Variants in GFRA1 observed in about 807,000 individuals in gnomAD.
The protein encoded by GFRA1 is GDNF family receptor alpha 1.
Under a neutral mutation model 51.6 loss-of-function variants are expected in GFRA1, and 16 were observed. The ratio of observed to expected loss-of-function variants is 0.31; its 90% CI spans 0.21 to 0.47. GFRA1 has a LOEUF of 0.47. Ranked by LOEUF, GFRA1 falls within the 20% of genes least tolerant of loss-of-function variation. The pLI, the probability that GFRA1 is intolerant of heterozygous loss-of-function variation, is 1.00. For synonymous variants in GFRA1, 270 were observed against 241.3 expected (o/e 1.12, Z -1.10); for missense variants, 530 against 594.3 (o/e 0.89, Z 1.13).
At chr10:116,174,004 T>C (rs7080212) in intron 5 of GFRA1, among the ~76,000 whole-genome samples, 60,945 of 151,864 alleles carry the variant, frequency 0.4, 12,273 homozygotes, top group South Asian at 0.48. Context: ...CTCTTGAACC[T>C]GGGAGGCAGA....
chr10:116,185,216 T>C (rs1414609874), intron 5 of GFRA1, among the ~76,000 whole-genome samples: 1 of 151,710 alleles, frequency 6.6e-6, no homozygotes, highest in Non-Finnish European at 1.5e-5. Context: ...TGCTACTTCC[T>C]AACTTTGTGA....
chr10:116,071,565 G>T (rs1955393352), intron 9 of GFRA1, among the ~76,000 whole-genome samples: 1 of 152,172 alleles, frequency 6.6e-6, no homozygotes, highest in Non-Finnish European at 1.5e-5. Flanking sequence ...TGAGTGTGGG[G>T]ATCCTAGCCT....
At chr10:116,158,097 G>A (rs2134165361) in intron 5 of GFRA1, among the ~76,000 whole-genome samples, 1 of 152,270 alleles carries the variant, frequency 6.6e-6, no homozygotes, top group East Asian at 1.9e-4. Context: ...CTCAGGAATA[G>A]TCCCTGAACT....
In GFRA1 at chr10:116,064,504, A is replaced by C; in HGVS notation, c.1292T>G (p.Ile431Arg). 1 of 1,613,582 alleles carries C rather than the reference A, an allele frequency of 6.2e-7. No homozygotes were observed. The highest frequency in any genetic ancestry group is 8.5e-7 in the Non-Finnish European group (1 of 1,179,632). Residue 431 changes from isoleucine to arginine, a missense_variant, in exon 11 of 11, where the codon ATA becomes AGA. Ile to Arg is a moderately conservative substitution (Grantham distance 97, BLOSUM62 -3). Transcript: ENST00000355422. Reference sequence around the variant, plus strand: ...AGGAGCAGCCATTGATTTTGTGGTTATGTGGCTGGAAGCACCGAGACCTTC... The same window carrying C: ...AGGAGCAGCCATTGATTTTGTGGTTCTGTGGCTGGAAGCACCGAGACCTTC... ...EKEGLGASSH[I>R]TTKSMAAPPS...
rs55780139 is a variant in GFRA1, at chr10:116,205,926, T to TCACACACACA, written c.433+5695_433+5704dup. 7.9e-3 allele frequency among the ~76,000 whole-genome samples: 1,128 copies of TCACACACACA among 142,556 alleles called. 9 individuals carry two copies. The highest frequency in any genetic ancestry group is 0.03 in the East Asian group (138 of 4,642). The allele number at this position is 142,556 out of a possible 152,430, so 93.5% of individuals were successfully genotyped here. ...AAATCTGGTTATCATTTTCCTCATATCACACACACACACACACACACACAC... is the reference window on the plus strand; with the variant it reads ...AAATCTGGTTATCATTTTCCTCATATCACACACACACACACACACACACACACACACACAC... On this transcript the variant is annotated intron_variant, in intron 5 of 10. Coordinates refer to ENST00000355422, the MANE Select transcript of GFRA1 (RefSeq NM_005264.8).
chr10:116,222,794 G>C (rs912691081), intron 4 of GFRA1, among the ~76,000 whole-genome samples: 3 of 152,142 alleles, frequency 2.0e-5, no homozygotes, highest in Non-Finnish European at 4.4e-5. Flanking sequence ...TATACAGTCA[G>C]ACCTCCATAT....
At chr10:116,108,572 T>C (rs1430576534) in intron 6 of GFRA1, among the ~76,000 whole-genome samples, 3 of 152,176 alleles carry the variant, frequency 2.0e-5, no homozygotes, top group African/African-American at 4.8e-5. Flanking sequence ...GCAAAGAAGC[T>C]GATTTCCAGG....
intron 4 of GFRA1, among the ~76,000 whole-genome samples, chr10:116,239,174 T>A (rs1043421598): frequency 2.0e-5 from 3 of 152,238 alleles, no homozygotes; most frequent in Non-Finnish European, 2.9e-5. Context: ...CCTAACACAT[T>A]GATAAATTCT....
chr10:116,232,911 C>T (rs1426265702), intron 4 of GFRA1, among the ~76,000 whole-genome samples: 5 of 152,176 alleles, frequency 3.3e-5, no homozygotes, highest in Non-Finnish European at 5.9e-5. Context: ...ATGGGGGGCA[C>T]AGAGATCTCT....
intron 5 of GFRA1, among the ~76,000 whole-genome samples, chr10:116,131,942 C>T (rs545237274): frequency 6.7e-6 from 1 of 149,034 alleles, no homozygotes; most frequent in Non-Finnish European, 1.5e-5. Context: ...CACAGTGGCT[C>T]ATGCTTGTAA....
intron 5 of GFRA1, among the ~76,000 whole-genome samples, chr10:116,143,264 C>G (rs978032379): frequency 1.3e-5 from 2 of 151,206 alleles, no homozygotes; most frequent in East Asian, 1.9e-4. Flanking sequence ...TTTCCTGAGG[C>G]TGGGTTTTAG....
At chr10:116,113,602 TACAAGACAGGC>T (rs1330281272) in intron 6 of GFRA1, among the ~76,000 whole-genome samples, 1 of 152,178 alleles carries the variant, frequency 6.6e-6, no homozygotes, top group Non-Finnish European at 1.5e-5. Flanking sequence ...GTGGGTGGTT[TACAAGACAGGC>T]ACATTGTGTA....
At chr10:116,086,515 A>C (rs1210596411) in intron 9 of GFRA1, among the ~76,000 whole-genome samples, 2 of 152,238 alleles carry the variant, frequency 1.3e-5, no homozygotes, top group African/African-American at 4.8e-5. Context: ...GGACAAGAGC[A>C]GGGTCTGAAA....
At chr10:116,078,583 C>T (rs959301451) in intron 9 of GFRA1, among the ~76,000 whole-genome samples, 3 of 152,186 alleles carry the variant, frequency 2.0e-5, no homozygotes, top group African/African-American at 7.2e-5. Flanking sequence ...GAAGATCCCC[C>T]TCCAACAGCT....
chr10:116,212,349 A>G (rs1257878592), intron 4 of GFRA1, among the ~76,000 whole-genome samples: 1 of 151,956 alleles, frequency 6.6e-6, no homozygotes, highest in Non-Finnish European at 1.5e-5. Flanking sequence ...GTGAAACCCC[A>G]TCTCTACTAA....
intron 4 of GFRA1, among the ~76,000 whole-genome samples, chr10:116,251,463 A>G (rs535621854): frequency 6.6e-6 from 1 of 152,326 alleles, no homozygotes; most frequent in South Asian, 2.1e-4. Flanking sequence ...ACACTGATGC[A>G]CAAAATGTGT....
intron 5 of GFRA1, among the ~76,000 whole-genome samples, chr10:116,134,831 G>A (rs556790538): frequency 2.8e-4 from 42 of 152,204 alleles, no homozygotes; most frequent in African/African-American, 9.9e-4. Flanking sequence ...TTTCCTTAAC[G>A]CACATTCTGT....
At chr10:116,157,255 T>C (rs1959237659) in intron 5 of GFRA1, among the ~76,000 whole-genome samples, 1 of 152,212 alleles carries the variant, frequency 6.6e-6, no homozygotes, top group South Asian at 2.1e-4. Context: ...TGAAATCAAA[T>C]TGTCTTCAAT....
intron 5 of GFRA1, among the ~76,000 whole-genome samples, chr10:116,204,472 T>A (rs1015843233): frequency 1.2e-4 from 18 of 152,214 alleles, no homozygotes; most frequent in African/African-American, 4.3e-4. Flanking sequence ...GTATCATTCT[T>A]CAATGATCAG....
Sources: gnomAD v4.1 joint callset for allele counts (sites outside exome capture counted in the v4.1 genomes callset) on GRCh38, gnomAD v4.1.1 for gene constraint, MANE v1.5 for transcripts, NCBI Gene and HGNC (gene_info 2026-07-23, HGNC 2026-07-21) for gene names.